The following NEK6 variants were observed in gnomAD, a reference collection of about 807,000 sequenced individuals.
NEK6 encodes NIMA related kinase 6.
Under a neutral mutation model 43.5 loss-of-function variants are expected in NEK6, and 27 were observed. The ratio of observed to expected loss-of-function variants is 0.62; its 90% CI spans 0.46 to 0.86. NEK6 has a LOEUF of 0.86. Ranked by LOEUF, NEK6 falls within the 40% of genes least tolerant of loss-of-function variation. The pLI is 0.00. For missense variants in NEK6, 318 were observed against 414.4 expected (o/e 0.77, Z 2.02); for synonymous variants, 167 against 164.1 (o/e 1.02, Z -0.14).
chr9:124,324,130 C>T lies in NEK6; in HGVS notation c.406-2200C>T. On this transcript the variant is annotated intron_variant, in intron 5 of 9. Coordinates refer to ENST00000320246, the MANE Select transcript of NEK6 (RefSeq NM_014397.6). This position sits in a 1 kb window ranked among gnomAD's most constrained non-coding sequence, Gnocchi z 5.3. ...TCGGTGCAGCCGCCAGCAGGGGAGG[C>T]CTGGCAGTGCAGAGACCCACTCGAG... 6.6e-6 allele frequency among the ~76,000 whole-genome samples: 1 copy of T among 152,210 alleles called. No individual in the cohort carries two copies. The highest frequency in any genetic ancestry group is 1.5e-5 in the Non-Finnish European group (1 of 68,034).
chr9:124,349,151 G>C (rs10115957), intron 9 of NEK6, among the ~76,000 whole-genome samples: 4,512 of 152,310 alleles, frequency 0.03, 237 homozygotes, highest in African/African-American at 0.1. Flanking sequence ...CTCGAGTGTC[G>C]GGCGCTGCAC....
intron 1 of NEK6, among the ~76,000 whole-genome samples, chr9:124,282,293 C>A (rs1304706520): frequency 3.3e-5 from 5 of 152,172 alleles, no homozygotes; most frequent in African/African-American, 1.2e-4. Flanking sequence ...GTCTACACAT[C>A]CCTCCAGTGC....
intron 1 of NEK6, among the ~76,000 whole-genome samples, chr9:124,258,872 G>GC (rs1830915035): frequency 6.6e-6 from 1 of 152,230 alleles, no homozygotes; most frequent in Non-Finnish European, 1.5e-5. Context: ...GCTGTGGTGG[G>GC]CCCCTCGGCC....
chr9:124,297,323 T>C (rs771909075), intron 1 of NEK6, among the ~76,000 whole-genome samples: 1 of 152,202 alleles, frequency 6.6e-6, no homozygotes, highest in Non-Finnish European at 1.5e-5. Context: ...TCCCTTCCCA[T>C]GTGCCAGGCT....
Position 124,326,206 on chromosome 9 carries a change from C to CT in NEK6, c.406-124_406-123insT. 5.6e-6 allele frequency: 1 copy of CT among 177,348 alleles called. No individual in the cohort carries two copies. 11.0% of individuals were successfully genotyped at this position (177,348 alleles called of 1,614,324 possible). A position where few individuals can be genotyped will look rare whatever the true frequency, so the allele number is the denominator to read the frequency against. On this transcript the variant is annotated intron_variant, in intron 5 of 9. Transcript: ENST00000320246. The surrounding 1 kb of genome is among the most constrained non-coding windows in gnomAD (Gnocchi z 4.5). Reference sequence around the variant, plus strand: ...ATTGTTTGCTCAGTGGCTCAATCCCCCCCCCCCGCCCCTGCCAGGCACCAG... The same window carrying CT: ...ATTGTTTGCTCAGTGGCTCAATCCCCTCCCCCCCGCCCCTGCCAGGCACCAG...
At chr9:124,349,843 G>C (rs1252645972) in intron 9 of NEK6, among the ~76,000 whole-genome samples, 5 of 152,188 alleles carry the variant, frequency 3.3e-5, no homozygotes, top group African/African-American at 1.2e-4. Context: ...TGCAGGCCCT[G>C]TGTCACCTGG....
chr9:124,292,748 ACTGAGT>A (rs2119063681), intron 1 of NEK6: 1 of 1,194,164 alleles, frequency 8.4e-7, no homozygotes, highest in Non-Finnish European at 1.1e-6. Flanking sequence ...GTGTTTCTGT[ACTGAGT>A]CAGCAACCAG....
At chr9:124,280,645 G>C (rs1588451993) in intron 1 of NEK6, among the ~76,000 whole-genome samples, 2 of 152,208 alleles carry the variant, frequency 1.3e-5, no homozygotes, top group East Asian at 3.8e-4. Flanking sequence ...CACATGTTTG[G>C]AAAGCTATTC....
chr9:124,323,990 C>T (rs1168425904), intron 5 of NEK6, among the ~76,000 whole-genome samples: 2 of 152,110 alleles, frequency 1.3e-5, no homozygotes, highest in Non-Finnish European at 2.9e-5. Flanking sequence ...TCGGGTCCTT[C>T]CTCCTCACCT....
chr9:124,268,531 C>T (rs576469995), intron 1 of NEK6, among the ~76,000 whole-genome samples: 1 of 152,340 alleles, frequency 6.6e-6, no homozygotes, highest in Admixed American at 6.5e-5. Context: ...GCAAATGGCA[C>T]AGTCCGTAGT....
intron 4 of NEK6, among the ~76,000 whole-genome samples, chr9:124,315,497 C>T (rs1300043103): frequency 2.0e-5 from 3 of 152,206 alleles, no homozygotes; most frequent in Non-Finnish European, 4.4e-5. Context: ...GTGTCCTTAC[C>T]ACTAACTATT....
intron 1 of NEK6, chr9:124,291,822 G>A (rs1025774160): frequency 3.0e-5 from 30 of 985,550 alleles, no homozygotes; most frequent in Middle Eastern, 5.2e-4. Context: ...GCTCCGTGGC[G>A]GCTGTGACAA....
chr9:124,261,777 C>G (rs1392321686), intron 1 of NEK6, among the ~76,000 whole-genome samples: 1 of 152,158 alleles, frequency 6.6e-6, no homozygotes, highest in Non-Finnish European at 1.5e-5. Flanking sequence ...CTCTCCCTTC[C>G]ATGTATGTTC....
At chr9:124,346,800 C>T (rs958979435) in intron 8 of NEK6, among the ~76,000 whole-genome samples, 1 of 152,198 alleles carries the variant, frequency 6.6e-6, no homozygotes, top group Non-Finnish European at 1.5e-5. Flanking sequence ...TGAGAACTCA[C>T]AGGAGGCCAC....
In NEK6 at chr9:124,339,979, T is replaced by G. The variant is rs566639246; in HGVS notation, c.717+314T>G. On this transcript the variant is annotated intron_variant, in intron 8 of 9. Transcript: ENST00000320246. ...GCCCCCGTCGCCCTGGTAACCACAT[T>G]AACACACCGGCGATTCTGTTCATCC... 2.0e-5 allele frequency among the ~76,000 whole-genome samples: 3 copies of G among 152,262 alleles called. No homozygotes were observed. The South Asian group carries it at 6.2e-4, about 32-fold the overall frequency.
In NEK6 at chr9:124,320,942, A is replaced by T. The variant is rs186425106; in HGVS notation, c.295-517A>T. 1.4e-3 allele frequency among the ~76,000 whole-genome samples: 209 copies of T among 152,242 alleles called. 1 individual carries two copies. In the East Asian group the frequency reaches 0.017, roughly 12 times the overall value. On this transcript the variant is annotated intron_variant, in intron 4 of 9. Coordinates refer to ENST00000320246, the MANE Select transcript of NEK6 (RefSeq NM_014397.6). The stretch of plus-strand genomic sequence containing the variant: ...TCCTATCTCTACAAAAAAATATTTT[A>T]AAAAAAATGATTTTACAAGAGATAG...
In NEK6 at chr9:124,351,468, C is replaced by G. The variant is rs1424556657; in HGVS notation, c.*521C>G. The G allele has an allele frequency of 6.6e-6, 1 of 152,426 alleles. No individual in the cohort carries two copies. The highest frequency in any genetic ancestry group is 6.5e-5 in the Admixed American group (1 of 15,294). The allele number at this position is 152,426 out of a possible 1,614,324, so 9.4% of individuals were successfully genotyped here. A position where few individuals can be genotyped will look rare whatever the true frequency, so the allele number is the denominator to read the frequency against. ...CATTTTTTTCCGTGGAGTGGTGATT[C>G]TGCTAACATTTTTATCTACGTTTTA... On this transcript the variant is annotated 3_prime_UTR_variant, in exon 10 of 10. Transcript: ENST00000320246.
chr9:124,299,740 C>G (rs925874089), intron 1 of NEK6, among the ~76,000 whole-genome samples: 1 of 152,124 alleles, frequency 6.6e-6, no homozygotes, highest in Non-Finnish European at 1.5e-5. Flanking sequence ...TGACAGTGCT[C>G]TGTGTGCACA....
intron 4 of NEK6, among the ~76,000 whole-genome samples, chr9:124,318,852 G>A (rs951098287): frequency 6.6e-6 from 1 of 152,106 alleles, no homozygotes; most frequent in East Asian, 1.9e-4. Flanking sequence ...TTGTATTTTA[G>A]TAGAGACGGA....
Sources: gnomAD v4.1 joint callset for allele counts (sites outside exome capture counted in the v4.1 genomes callset) on GRCh38, gnomAD v4.1.1 for gene constraint, Gnocchi (gnomAD v3.1) non-coding constraint, MANE v1.5 for transcripts, NCBI Gene and HGNC (gene_info 2026-07-23, HGNC 2026-07-21) for gene names.